SLIT1: variants seen among roughly 807,000 people sequenced by gnomAD.
The protein encoded by SLIT1 is slit guidance ligand 1.
Under a neutral mutation model 186.1 loss-of-function variants are expected in SLIT1, and 66 were observed. The ratio of observed to expected loss-of-function variants is 0.35; its 90% CI spans 0.29 to 0.44. SLIT1 has a LOEUF of 0.44. SLIT1 is among the 20% of genes least tolerant of loss of function. The pLI, the probability that SLIT1 is intolerant of heterozygous loss-of-function variation, is 1.00. For missense variants in SLIT1, 1,638 were observed against 2,037.4 expected, an observed-to-expected ratio of 0.80 and a Z score of 3.77; for synonymous variants, 761 against 833.8, an observed-to-expected ratio of 0.91 and a Z score of 1.50.
rs748707121 is a variant in SLIT1, at chr10:97,047,793, C to T, written c.1531G>A (p.Val511Met). The T allele has an allele frequency of 6.8e-6, 11 of 1,614,104 alleles. No homozygotes were observed. Among genetic ancestry groups the T allele is most frequent in the African/African-American group, 2.7e-5 (2 of 75,052 alleles). ...YQLNSECNSD[V>M]VCPHKCRCEA... ...CAGCGGCACTTGTGGGGACAGACCA[C>T]GTCGCTGTTGCACTCGCTGTTCAGC... The change falls in exon 16 of 37, where the codon GTG becomes ATG. Residue 511 changes from valine (V) to methionine (M), a missense_variant. Transcript: ENST00000266058.
At chr10:97,046,410 C>T (rs1035791449) in intron 18 of SLIT1, among the ~76,000 whole-genome samples, 1 of 152,252 alleles carries the variant, frequency 6.6e-6, no homozygotes, top group Non-Finnish European at 1.5e-5. Context: ...GAAGGGTCCA[C>T]ATGTCTCCAT....
chr10:97,166,553 AGGAAAG>A (rs146298302), intron 1 of SLIT1, among the ~76,000 whole-genome samples: 1,893 of 48,462 alleles, frequency 0.039, 90 homozygotes, highest in Non-Finnish European at 0.05. Context: ...GAAGGAAGGA[AGGAAAG>A]AGAGAGAGAG....
At chr10:97,055,051 A>C (rs1207990389) in intron 13 of SLIT1, among the ~76,000 whole-genome samples, 1 of 152,140 alleles carries the variant, frequency 6.6e-6, no homozygotes, top group Non-Finnish European at 1.5e-5. Flanking sequence ...CCCCATCTCC[A>C]TTAAAGATAC....
intron 30 of SLIT1, among the ~76,000 whole-genome samples, chr10:97,012,276 A>G (rs1015516826): frequency 2.0e-5 from 3 of 152,144 alleles, no homozygotes; most frequent in Non-Finnish European, 4.4e-5. Context: ...TTTATATCCA[A>G]TTGATCACAG....
At chr10:97,113,375 AT>A (rs2134681335) in intron 4 of SLIT1, among the ~76,000 whole-genome samples, 1 of 151,764 alleles carries the variant, frequency 6.6e-6, no homozygotes, top group East Asian at 1.9e-4. Flanking sequence ...AGAAGCTGGG[AT>A]TACAGGCGTG....
At position 97,139,932 on chromosome 10, in the gene SLIT1, C is replaced by T. The variant is rs532959609; in HGVS notation, c.413+17886G>A. On this transcript the variant is annotated intron_variant, in intron 4 of 36. Transcript: ENST00000266058. ...GGTCTCAGCAAGGTGCCCATCGCCC[C>T]TCACTATGAATGGGGTAGGCAGCAG... Among the ~76,000 whole-genome samples the T allele has an allele frequency of 1.3e-4, 20 of 152,270 alleles. 1 individual carries two copies. The South Asian group carries it at 3.7e-3, about 28-fold the overall frequency.
intron 18 of SLIT1, among the ~76,000 whole-genome samples, chr10:97,045,168 C>T (rs568706823): frequency 6.6e-6 from 1 of 151,980 alleles, no homozygotes; most frequent in South Asian, 2.1e-4. Flanking sequence ...GTTATAGCAG[C>T]CTGAACCCAC....
chr10:97,177,174 C>A (rs117975804), intron 1 of SLIT1, among the ~76,000 whole-genome samples: 1 of 152,174 alleles, frequency 6.6e-6, no homozygotes, highest in Admixed American at 6.5e-5. Context: ...CCCCTGAGGT[C>A]CCCCCATCTC....
Position 97,002,689 on chromosome 10 carries a change from G to A in SLIT1, c.4154+15C>T. ...GTAGGCAGGGGCAAGGGCTCCCCCAGTGCCCCAGGCTCACTTGTGGCCATG... is the reference window on the plus strand; with the variant it reads ...GTAGGCAGGGGCAAGGGCTCCCCCAATGCCCCAGGCTCACTTGTGGCCATG... On this transcript the variant is annotated intron_variant, in intron 35 of 36. Transcript: ENST00000266058. 6.5e-7 allele frequency: 1 copy of A among 1,544,820 alleles called. No individual in the cohort carries two copies.
At chr10:97,062,285 T>C (rs1220899758) in intron 8 of SLIT1, among the ~76,000 whole-genome samples, 1 of 152,090 alleles carries the variant, frequency 6.6e-6, no homozygotes, top group Non-Finnish European at 1.5e-5. Context: ...CCCATTGCAC[T>C]GGGTGTCTGC....
intron 4 of SLIT1, among the ~76,000 whole-genome samples, chr10:97,092,531 T>C (rs1436648562): frequency 6.6e-6 from 1 of 152,232 alleles, no homozygotes; most frequent in Non-Finnish European, 1.5e-5. Flanking sequence ...TATACCTACA[T>C]GAATGCTATT....
chr10:97,052,282 A>G (rs1414313456), intron 13 of SLIT1, among the ~76,000 whole-genome samples: 1 of 151,990 alleles, frequency 6.6e-6, no homozygotes, highest in Non-Finnish European at 1.5e-5. Context: ...AATTTTGTGT[A>G]GAGGTGGGGA....
chr10:97,074,602 A>C, intron 4 of SLIT1, among the ~76,000 whole-genome samples: 1 of 152,308 alleles, frequency 6.6e-6, no homozygotes, highest in African/African-American at 2.4e-5. Flanking sequence ...ACACCAGCTC[A>C]AGGCAAGGGC....
chr10:97,128,389 A>G (rs1456596441), intron 4 of SLIT1, among the ~76,000 whole-genome samples: 1 of 152,186 alleles, frequency 6.6e-6, no homozygotes, highest in Non-Finnish European at 1.5e-5. Context: ...CCGTGGCTAG[A>G]AGCGCACGTG....
intron 4 of SLIT1, among the ~76,000 whole-genome samples, chr10:97,076,659 A>G (rs1849048942): frequency 6.6e-6 from 1 of 152,212 alleles, no homozygotes. Flanking sequence ...TCTGGAGAGC[A>G]TTCGATGATA....
chr10:97,062,545 T>C (rs530760989), intron 8 of SLIT1, among the ~76,000 whole-genome samples: 17 of 152,310 alleles, frequency 1.1e-4, no homozygotes, highest in African/African-American at 4.1e-4. Context: ...CGGGACCTCA[T>C]GTAGGATCAC....
intron 22 of SLIT1, among the ~76,000 whole-genome samples, 158 bp from the exon 23 acceptor site, chr10:97,034,700 G>A (rs547711269): frequency 6.6e-6 from 1 of 152,264 alleles, no homozygotes; most frequent in Non-Finnish European, 1.5e-5. Flanking sequence ...GGGTCTCAGC[G>A]CTTGCTTAGC....
intron 10 of SLIT1, among the ~76,000 whole-genome samples, chr10:97,059,866 G>A (rs1437992282): frequency 6.6e-6 from 1 of 152,174 alleles, no homozygotes; most frequent in Non-Finnish European, 1.5e-5. Flanking sequence ...TCCCATCACA[G>A]GCCAGGCTCA....
At chr10:97,102,597 T>C (rs1374471098) in intron 4 of SLIT1, 1 of 152,222 alleles carries the variant, frequency 6.6e-6, no homozygotes, top group Non-Finnish European at 1.5e-5. Context: ...GTGTGTGACA[T>C]GCTGCCATGA....
Sources: allele counts gnomAD v4.1 joint callset (sites outside exome capture counted in the v4.1 genomes callset), GRCh38; gene constraint gnomAD v4.1.1; transcripts MANE v1.5; gene names NCBI Gene and HGNC (gene_info 2026-07-23, HGNC 2026-07-21).